Variants in TNIP2 observed in about 807,000 individuals in gnomAD.
TNIP2 encodes TNFAIP3 interacting protein 2, also known as TNFAIP3-interacting protein 2.
In TNIP2, 30 loss-of-function variants were observed where a neutral mutation model predicts 43.7. The ratio of observed to expected loss-of-function variants is 0.69; its 90% CI spans 0.51 to 0.93. The LOEUF is 0.93. TNIP2 is among the 40% of genes least tolerant of loss of function. The pLI is 0.00. For missense variants in TNIP2, 599 were observed against 591.0 expected (o/e 1.01, Z -0.14); for synonymous variants, 260 against 254.6 (o/e 1.02, Z -0.20).
chr4:2,754,417 C>CT (rs1180423797), intron 1 of TNIP2, among the ~76,000 whole-genome samples: 1 of 152,154 alleles, frequency 6.6e-6, no homozygotes, highest in Admixed American at 6.5e-5. Context: ...GGATTTGCGT[C>CT]TTTTTTTGTT....
intron 5 of TNIP2, among the ~76,000 whole-genome samples, chr4:2,743,987 G>A (rs1180799090): frequency 6.6e-6 from 1 of 152,190 alleles, no homozygotes; most frequent in Non-Finnish European, 1.5e-5. Flanking sequence ...CTGAGCTGGG[G>A]ATGTTACTGG....
At position 2,747,591 on chromosome 4, in the gene TNIP2, G is replaced by T. The variant is rs1577308910; in HGVS notation, c.567+64C>A. The T allele has an allele frequency of 3.9e-6, 6 of 1,522,188 alleles. No individual in the cohort carries two copies. The East Asian group carries it at 1.1e-4, about 29-fold the overall frequency. The allele number at this position is 1,522,188 out of a possible 1,614,324, so 94.3% of individuals were successfully genotyped here. On this transcript the variant is annotated intron_variant, in intron 2 of 5. Transcript: ENST00000315423. ...CGCCCCCCCACCTCTGTGATCAGGGGCCTGTAGGCGATGCTCCCAGCACAC... is the reference window on the plus strand; with the variant it reads ...CGCCCCCCCACCTCTGTGATCAGGGTCCTGTAGGCGATGCTCCCAGCACAC...
chr4:2,753,821 A>G (rs1281700336), intron 1 of TNIP2, among the ~76,000 whole-genome samples: 4 of 152,208 alleles, frequency 2.6e-5, no homozygotes, highest in African/African-American at 7.2e-5. Flanking sequence ...TGCTCTAGTG[A>G]GTCAGGATGT....
At chr4:2,743,019 T>C (rs1024902487) in intron 5 of TNIP2, among the ~76,000 whole-genome samples, 2 of 152,152 alleles carry the variant, frequency 1.3e-5, no homozygotes, top group Non-Finnish European at 2.9e-5. Context: ...CCACCTGGCA[T>C]GATCTGGCAC....
Position 2,742,380 on chromosome 4 carries a change from C to T in TNIP2, c.1167G>A (p.Glu389=). The change falls in exon 6 of 6, where the codon GAG becomes GAA. Residue 389 remains glutamate (E), a synonymous_variant. Transcript: ENST00000315423. The part of the protein sequence containing the change: ...TGSQQPEPPA[E]GGHPGAAQRG... ...TCTGGGCCGCGCCAGGATGCCCGCCCTCTGCAGGGGGTTCTGGCTGCTGGG... is the reference window on the plus strand; with the variant it reads ...TCTGGGCCGCGCCAGGATGCCCGCCTTCTGCAGGGGGTTCTGGCTGCTGGG... The T allele has an allele frequency of 1.2e-6, 2 of 1,608,554 alleles. No individual in the cohort carries two copies. The highest frequency in any genetic ancestry group is 1.1e-5 in the South Asian group (1 of 90,296).
chr4:2,748,491 C>G (rs995696999), intron 1 of TNIP2, among the ~76,000 whole-genome samples: 2 of 151,912 alleles, frequency 1.3e-5, no homozygotes, highest in Non-Finnish European at 2.9e-5. Flanking sequence ...TACAGGCACA[C>G]GCCACCACGC....
intron 5 of TNIP2, among the ~76,000 whole-genome samples, chr4:2,743,061 C>T (rs772460989): frequency 1.3e-5 from 2 of 152,216 alleles, no homozygotes; most frequent in African/African-American, 2.4e-5. Flanking sequence ...TGAAGCACTG[C>T]AGCCTGTGGC....
Position 2,742,498 on chromosome 4 carries a change from C to A in TNIP2, c.1049G>T (p.Gly350Val). The change falls in exon 6 of 6, where the codon GGC becomes GTC. Residue 350 changes from glycine to valine, a missense_variant. Coordinates refer to ENST00000315423, the MANE Select transcript of TNIP2 (RefSeq NM_024309.4). ...WRQDSREPDA[G>V]RIHAGSKTAK... Reference sequence around the variant, plus strand: ...AGTTTTGCTCCCAGCGTGAATCCGGCCGGCGTCTGGCTCTCGAGAATCCTG... The same window carrying A: ...AGTTTTGCTCCCAGCGTGAATCCGGACGGCGTCTGGCTCTCGAGAATCCTG... The A allele has an allele frequency of 6.3e-7, 1 of 1,596,354 alleles. No individual in the cohort carries two copies. The highest frequency in any genetic ancestry group is 8.6e-7 in the Non-Finnish European group (1 of 1,168,284).
At chr4:2,755,555 C>G (rs1794377) in intron 1 of TNIP2, among the ~76,000 whole-genome samples, 8,940 of 144,532 alleles carry the variant, frequency 0.062, 973 homozygotes, top group African/African-American at 0.22. Flanking sequence ...CCTCCACCAG[C>G]ACCTGGTGAC....
Position 2,742,350 on chromosome 4 carries a change from G to A in TNIP2, c.1197C>T (p.Gly399=). The change falls in exon 6 of 6, where the codon GGC becomes GGT. Residue 399 remains glycine (G), a synonymous_variant. Coordinates refer to ENST00000315423, the MANE Select transcript of TNIP2 (RefSeq NM_024309.4). ...EGGHPGAAQR[G]QGDLQCPHCL... ...AGTGAGGGCACTGAAGGTCCCCCTG[G>A]CCTCTCTGGGCCGCGCCAGGATGCC... The A allele has an allele frequency of 6.3e-7, 1 of 1,592,658 alleles. No homozygotes were observed.
chr4:2,749,474 G>A (rs2109488368), intron 1 of TNIP2, among the ~76,000 whole-genome samples: 1 of 152,340 alleles, frequency 6.6e-6, no homozygotes, highest in South Asian at 2.1e-4. Flanking sequence ...GACGGGACTG[G>A]TGTCCTTGTA....
chr4:2,748,080 C>T (rs919811062), intron 1 of TNIP2, 135 bp from the exon 2 acceptor site: 8 of 915,234 alleles, frequency 8.7e-6, no homozygotes, highest in Admixed American at 2.7e-5. Context: ...AGAAGTTGGG[C>T]GTTTGAACTA....
At position 2,744,317 on chromosome 4, in the gene TNIP2, C is replaced by A; in HGVS notation, c.1026+70G>T. On this transcript the variant is annotated intron_variant, in intron 5 of 5. Transcript: ENST00000315423. This position sits in a 1 kb window ranked among gnomAD's most constrained non-coding sequence, Gnocchi z 5.1. ...CAGGGCCTTGGCAGACACAGAAAGGCTCTAATCTCATGAGAAGAGAAACAA... is the reference window on the plus strand; with the variant it reads ...CAGGGCCTTGGCAGACACAGAAAGGATCTAATCTCATGAGAAGAGAAACAA... 3 of 1,596,716 alleles carry A rather than the reference C, an allele frequency of 1.9e-6. No homozygotes were observed.
chr4:2,748,794 AT>A (rs59776048), intron 1 of TNIP2, among the ~76,000 whole-genome samples: 23,436 of 140,672 alleles, frequency 0.17, 3,887 homozygotes, highest in African/African-American at 0.45. Context: ...GCGCCCAGCA[AT>A]TTTTTTTTTT....
At chr4:2,752,938 G>A (rs1722139358) in intron 1 of TNIP2, among the ~76,000 whole-genome samples, 3 of 151,982 alleles carry the variant, frequency 2.0e-5, no homozygotes, top group South Asian at 2.1e-4. Flanking sequence ...TAGGCTCTTC[G>A]CCTATAGTCC....
At position 2,756,253 on chromosome 4, in the gene TNIP2, C is replaced by G. The variant is rs1309033932; in HGVS notation, c.37G>C (p.Ala13Pro). The G allele has an allele frequency of 6.9e-7, 1 of 1,442,920 alleles. No individual in the cohort carries two copies. The highest frequency in any genetic ancestry group is 2.7e-5 in the Admixed American group (1 of 37,720). 89.4% of individuals were successfully genotyped at this position (1,442,920 alleles called of 1,614,324 possible). ...RDPGSGGWEE[A>P]PRAAAALCTL... ...CAGAGCGCGGCAGCTGCGCGCGGGG[C>G]CTCCTCCCAGCCGCCCGACCCCGGG... The change falls in exon 1 of 6, where the codon GCC (alanine) becomes CCC (proline). Residue 13 changes from alanine (A) to proline (P), a missense_variant. By Grantham distance (27) the Ala-to-Pro change is conservative. Coordinates refer to ENST00000315423, the MANE Select transcript of TNIP2 (RefSeq NM_024309.4).
chr4:2,747,239 TGTGGAACTG>T (rs1247659064), intron 2 of TNIP2, among the ~76,000 whole-genome samples: 14 of 152,116 alleles, frequency 9.2e-5, no homozygotes, highest in Admixed American at 2.6e-4. Flanking sequence ...GAGTTTGGGG[TGTGGAACTG>T]GAGGCACTCC....
At position 2,744,550 on chromosome 4, in the gene TNIP2, A is replaced by C. The variant is rs1028160422; in HGVS notation, c.907-44T>G. 5.0e-6 allele frequency: 8 copies of C among 1,612,616 alleles called. No individual in the cohort carries two copies. Among genetic ancestry groups the C allele is most frequent in the Non-Finnish European group, 6.8e-6 (8 of 1,179,314 alleles). ...CACATTTCTGCTCAAGGAAGGAGGA[A>C]GCGCCCCACCAGGCTTCTCCCACCC... On this transcript the variant is annotated intron_variant, in intron 4 of 5. Coordinates refer to ENST00000315423, the MANE Select transcript of TNIP2 (RefSeq NM_024309.4). This position sits in a 1 kb window ranked among gnomAD's most constrained non-coding sequence, Gnocchi z 5.1.
Position 2,756,123 on chromosome 4 carries a change from T to C in TNIP2, c.167A>G (p.Glu56Gly). 2.0e-6 allele frequency: 3 copies of C among 1,476,920 alleles called. No homozygotes were observed. The highest frequency in any genetic ancestry group is 1.3e-5 in the South Asian group (1 of 77,886). 91.5% of individuals were successfully genotyped at this position (1,476,920 alleles called of 1,614,324 possible). A position where few individuals can be genotyped will look rare whatever the true frequency, so the allele number is the denominator to read the frequency against. ...CACTAGGGACGGCGCGGCGTCCCCCTCCAGCGCGGCCAGGCGGGCGCGGAG... is the reference window on the plus strand; with the variant it reads ...CACTAGGGACGGCGCGGCGTCCCCCCCCAGCGCGGCCAGGCGGGCGCGGAG... ...ARLRARLAALEGDAAPSLVDA... is the reference protein window; with the variant it reads ...ARLRARLAALGGDAAPSLVDA... Residue 56 changes from glutamate (E) to glycine (G), a missense_variant, in exon 1 of 6, where the codon GAG becomes GGG. By Grantham distance (98) the Glu-to-Gly change is moderately conservative (BLOSUM62 -2). Transcript: ENST00000315423.
Sources: allele counts gnomAD v4.1 joint callset (sites outside exome capture counted in the v4.1 genomes callset), GRCh38; gene constraint gnomAD v4.1.1; non-coding constraint Gnocchi (gnomAD v3.1); transcripts MANE v1.5; gene names NCBI Gene and HGNC (gene_info 2026-07-23, HGNC 2026-07-21).